EYA4: variants seen among roughly 807,000 people sequenced by gnomAD.
EYA4 encodes EYA transcriptional coactivator and phosphatase 4.
In EYA4, 31 loss-of-function variants were observed where a neutral mutation model predicts 87.9. The observed-to-expected ratio is 0.35, with a 90% CI of 0.27 to 0.48. The LOEUF (loss-of-function observed/expected upper bound fraction) is 0.48. Ranked by LOEUF, EYA4 falls within the 20% of genes least tolerant of loss-of-function variation. The pLI, the probability that EYA4 is intolerant of heterozygous loss-of-function variation, is 0.99. For missense variants in EYA4, 678 were observed against 761.4 expected (o/e 0.89, Z 1.29); for synonymous variants, 263 against 270.6 (o/e 0.97, Z 0.28).
chr6:133,506,066 A>G, intron 13 of EYA4, 40 bp from the exon 14 acceptor site: 1 of 1,140,980 alleles, frequency 8.8e-7, no homozygotes, highest in Non-Finnish European at 1.3e-6. Context: ...ATAAGCGCTT[A>G]CTGAAATTTT....
intron 3 of EYA4, among the ~76,000 whole-genome samples, chr6:133,441,382 T>C (rs1792274781): frequency 1.3e-5 from 2 of 152,352 alleles, no homozygotes; most frequent in Admixed American, 1.3e-4. Context: ...CATACTGTTA[T>C]AAATAAAGCT....
chr6:133,259,920 A>G (rs1775657896), intron 1 of EYA4, among the ~76,000 whole-genome samples: 2 of 152,174 alleles, frequency 1.3e-5, no homozygotes, highest in Admixed American at 1.3e-4. Flanking sequence ...GGATGGGCAC[A>G]CACTTCTTGA....
At chr6:133,375,937 A>T (rs1249282403) in intron 2 of EYA4, among the ~76,000 whole-genome samples, 2 of 151,908 alleles carry the variant, frequency 1.3e-5, no homozygotes, top group Non-Finnish European at 1.5e-5. Context: ...CAACCCAGTC[A>T]TAAAATTCAT....
At chr6:133,450,126 C>A (rs1276026331) in intron 5 of EYA4, among the ~76,000 whole-genome samples, 1 of 151,928 alleles carries the variant, frequency 6.6e-6, no homozygotes, top group African/African-American at 2.4e-5. Flanking sequence ...GCTGGGACTA[C>A]AGGCACCCGC....
At chr6:133,385,380 G>T (rs1350333225) in intron 3 of EYA4, among the ~76,000 whole-genome samples, 1 of 142,140 alleles carries the variant, frequency 7.0e-6, no homozygotes, top group African/African-American at 2.6e-5. Context: ...GTGTGTGTAT[G>T]TATGCTCTCT....
At chr6:133,383,246 T>C (rs1786389900) in intron 3 of EYA4, among the ~76,000 whole-genome samples, 1 of 152,166 alleles carries the variant, frequency 6.6e-6, no homozygotes, top group South Asian at 2.1e-4. Flanking sequence ...CATGAAAACA[T>C]TGCATATCTA....
intron 2 of EYA4, among the ~76,000 whole-genome samples, chr6:133,289,198 G>A (rs1333037235): frequency 6.6e-6 from 1 of 152,162 alleles, no homozygotes; most frequent in African/African-American, 2.4e-5. Context: ...TAGCTGGAGA[G>A]GAGTGATACA....
At chr6:133,356,973 T>C (rs941843606) in intron 2 of EYA4, among the ~76,000 whole-genome samples, 1 of 151,732 alleles carries the variant, frequency 6.6e-6, no homozygotes, top group East Asian at 1.9e-4. Context: ...TATTTTCCAT[T>C]ATAAAAGAGC....
At chr6:133,331,661 G>A (rs1415480253) in intron 2 of EYA4, among the ~76,000 whole-genome samples, 1 of 152,176 alleles carries the variant, frequency 6.6e-6, no homozygotes, top group Admixed American at 6.5e-5. Context: ...TCCTCACAAT[G>A]TGGCCATCCA....
chr6:133,369,226 A>G (rs1306962052), intron 2 of EYA4, among the ~76,000 whole-genome samples: 4 of 152,142 alleles, frequency 2.6e-5, no homozygotes, highest in African/African-American at 9.6e-5. Context: ...ATTAGAATAA[A>G]AGGGAATGTT....
At chr6:133,506,552 C>A (rs997822714) in intron 14 of EYA4, among the ~76,000 whole-genome samples, 1 of 152,180 alleles carries the variant, frequency 6.6e-6, no homozygotes, top group African/African-American at 2.4e-5. Flanking sequence ...TTCACAGACA[C>A]TATTCATGGT....
At position 133,258,879 on chromosome 6, in the gene EYA4, G is replaced by A. The variant is rs192053558; in HGVS notation, c.-65-15837G>A. On this transcript the variant is annotated intron_variant, in intron 1 of 19. Coordinates refer to ENST00000355286, the MANE Select transcript of EYA4 (RefSeq NM_004100.5). ...TTCAATTTTACTGAAGAATAATTTA[G>A]TCTCCAACAAACAAGCAAACAGAAC... is the stretch of plus-strand genomic sequence containing the variant. Among the ~76,000 whole-genome samples the A allele has an allele frequency of 1.9e-3, 287 of 152,046 alleles. 7 individuals carry two copies. Among genetic ancestry groups the A allele is most frequent in the Admixed American group, 0.018 (278 of 15,264 alleles).
In EYA4 at chr6:133,530,421, A is replaced by G. The variant is rs1800942649; in HGVS notation, c.*1616A>G. On this transcript the variant is annotated 3_prime_UTR_variant, in exon 20 of 20. Coordinates refer to ENST00000355286, the MANE Select transcript of EYA4 (RefSeq NM_004100.5). ...CTATGACACGATTTCCCTTGTGGAA[A>G]TTTAAGACTTTAAGAACTAGAGTAT... 1.0e-6 allele frequency: 1 copy of G among 985,500 alleles called. No homozygotes were observed. The highest frequency in any genetic ancestry group is 4.7e-5 in the South Asian group (1 of 21,278). The allele number at this position is 985,500 out of a possible 1,614,324, so 61.0% of individuals were successfully genotyped here. A position where few individuals can be genotyped will look rare whatever the true frequency, so the allele number is the denominator to read the frequency against.
intron 1 of EYA4, among the ~76,000 whole-genome samples, chr6:133,249,932 T>G (rs1436368947): frequency 6.6e-6 from 1 of 152,238 alleles, no homozygotes; most frequent in Non-Finnish European, 1.5e-5. Flanking sequence ...GCTGTATTTG[T>G]CATTTCTGTA....
intron 3 of EYA4, among the ~76,000 whole-genome samples, chr6:133,419,907 C>T (rs1173780214): frequency 6.6e-6 from 1 of 152,132 alleles, no homozygotes; most frequent in Admixed American, 6.5e-5. Flanking sequence ...TAAGACGCCC[C>T]ACATTTAAAA....
chr6:133,465,272 C>A (rs1256119868), intron 10 of EYA4, among the ~76,000 whole-genome samples: 1 of 152,122 alleles, frequency 6.6e-6, no homozygotes, highest in Non-Finnish European at 1.5e-5. Flanking sequence ...GACTATATAA[C>A]ATTTTCAGTC....
upstream of EYA4, among the ~76,000 whole-genome samples, chr6:133,241,055 C>T (rs937368688): frequency 6.7e-6 from 1 of 148,900 alleles, no homozygotes; most frequent in Admixed American, 6.7e-5. Context: ...GGGGTGGGGG[C>T]GGCGCGGAGG....
At chr6:133,423,055 C>T (rs1790357278) in intron 3 of EYA4, among the ~76,000 whole-genome samples, 1 of 152,012 alleles carries the variant, frequency 6.6e-6, no homozygotes, top group African/African-American at 2.4e-5. Flanking sequence ...GGGTGAGTGG[C>T]TAGATATGGG....
chr6:133,326,837 T>C (rs1357577569), intron 2 of EYA4, among the ~76,000 whole-genome samples: 1 of 152,208 alleles, frequency 6.6e-6, no homozygotes, highest in African/African-American at 2.4e-5. Flanking sequence ...TCATCTTCCA[T>C]GTGCTGCCCA....
Sources: allele counts gnomAD v4.1 joint callset (sites outside exome capture counted in the v4.1 genomes callset), GRCh38; gene constraint gnomAD v4.1.1; transcripts MANE v1.5; gene names NCBI Gene and HGNC (gene_info 2026-07-23, HGNC 2026-07-21).